ANO3: variants seen among roughly 807,000 people sequenced by gnomAD.
ANO3 encodes the protein anoctamin-3.
A neutral mutation model predicts 144.8 loss-of-function variants in ANO3; 99 were observed. The ratio of observed to expected loss-of-function variants is 0.68; its 90% CI spans 0.58 to 0.81. The LOEUF is 0.81. Ranked by LOEUF, ANO3 falls within the 30% of genes least tolerant of loss-of-function variation. The probability of loss-of-function intolerance (pLI) is 0.00; values close to 1 mark genes in which losing one functional copy is unlikely to be tolerated. For synonymous variants in ANO3, 414 were observed against 392.6 expected, an observed-to-expected ratio of 1.05 and a Z score of -0.64; for missense variants, 905 against 1,202.2, an observed-to-expected ratio of 0.75 and a Z score of 3.66.
intron 1 of ANO3, among the ~76,000 whole-genome samples, chr11:26,373,610 AGTCCTGATACTTCTTACTTTT>A (rs939353289): frequency 3.9e-5 from 6 of 152,226 alleles, no homozygotes; most frequent in Non-Finnish European, 5.9e-5. Flanking sequence ...GTTCTAATTT[AGTCCTGATACTTCTTACTTTT>A]GTGATCCTCA....
intron 1 of ANO3, among the ~76,000 whole-genome samples, chr11:26,207,271 T>C (rs1002401932): frequency 1.3e-5 from 2 of 152,200 alleles, no homozygotes; most frequent in African/African-American, 4.8e-5. Flanking sequence ...AAAGTATAAA[T>C]GGCTTACAAA....
At chr11:26,575,992 G>A (rs572378490) in intron 14 of ANO3, among the ~76,000 whole-genome samples, 1 of 152,152 alleles carries the variant, frequency 6.6e-6, no homozygotes, top group African/African-American at 2.4e-5. Flanking sequence ...TTTTGCTGAC[G>A]TGATCATAGT....
chr11:26,498,073 G>A (rs927428380), intron 4 of ANO3, among the ~76,000 whole-genome samples: 2 of 151,896 alleles, frequency 1.3e-5, no homozygotes, highest in African/African-American at 4.8e-5. Flanking sequence ...GTACTCTGAG[G>A]TGATCACTCT....
intron 1 of ANO3, among the ~76,000 whole-genome samples, chr11:26,379,864 T>C (rs1479376052): frequency 6.6e-6 from 1 of 152,134 alleles, no homozygotes; most frequent in Admixed American, 6.5e-5. Context: ...GGTGGTGAAT[T>C]GTTTTTAAGA....
chr11:26,612,780 G>A (rs1580669), intron 17 of ANO3, among the ~76,000 whole-genome samples: 17 of 151,494 alleles, frequency 1.1e-4, no homozygotes, highest in African/African-American at 2.9e-4. Context: ...TATTATTGCC[G>A]GACAGATTTT....
At chr11:26,202,727 G>GA (rs151234568) in intron 1 of ANO3, among the ~76,000 whole-genome samples, 6,586 of 149,034 alleles carry the variant, frequency 0.044, 203 homozygotes, top group Middle Eastern at 0.065. Flanking sequence ...CACAGTTGAG[G>GA]AAAAAAAAAA....
chr11:26,574,474 C>T (rs1307533911), intron 14 of ANO3, among the ~76,000 whole-genome samples: 1 of 152,108 alleles, frequency 6.6e-6, no homozygotes, highest in East Asian at 1.9e-4. Flanking sequence ...TAGTCTGATA[C>T]AGGCTACAAG....
intron 6 of ANO3, among the ~76,000 whole-genome samples, chr11:26,518,427 G>A (rs1272450063): frequency 6.6e-6 from 1 of 151,986 alleles, no homozygotes; most frequent in East Asian, 1.9e-4. Flanking sequence ...AATTTTACAA[G>A]TAGCAGTCTT....
chr11:26,641,152 TTGTACTTGGGCTAAG>T (rs1433143977), intron 21 of ANO3, among the ~76,000 whole-genome samples: 1 of 152,166 alleles, frequency 6.6e-6, no homozygotes, highest in African/African-American at 2.4e-5. Flanking sequence ...AATTCCAAGA[TTGTACTTGGGCTAAG>T]AAAACAGTAT....
chr11:26,267,826 C>T (rs1853348302), intron 1 of ANO3, among the ~76,000 whole-genome samples: 1 of 152,056 alleles, frequency 6.6e-6, no homozygotes, highest in African/African-American at 2.4e-5. Context: ...AGATTAAAAG[C>T]TTCTGCTTGC....
chr11:26,418,705 C>T (rs1442357377), intron 1 of ANO3, among the ~76,000 whole-genome samples: 1 of 151,618 alleles, frequency 6.6e-6, no homozygotes, highest in African/African-American at 2.4e-5. Context: ...AACAAACAAG[C>T]GCGCGCGCGC....
chr11:26,490,328 T>C (rs1860652995), intron 4 of ANO3, among the ~76,000 whole-genome samples: 1 of 152,214 alleles, frequency 6.6e-6, no homozygotes, highest in South Asian at 2.1e-4. Flanking sequence ...TTAAACCTCT[T>C]TTTGTTCCCA....
chr11:26,231,964 A>G (rs1341619587), intron 1 of ANO3, among the ~76,000 whole-genome samples: 1 of 152,242 alleles, frequency 6.6e-6, no homozygotes, highest in African/African-American at 2.4e-5. Context: ...GGAAACTGGC[A>G]TGTGGTGAAA....
At chr11:26,631,184 G>C (rs1321840494) in intron 18 of ANO3, among the ~76,000 whole-genome samples, 1 of 151,914 alleles carries the variant, frequency 6.6e-6, no homozygotes, top group East Asian at 1.9e-4. Flanking sequence ...TGGGGTGGTG[G>C]AGTCTTCTCT....
At chr11:26,236,012 T>C (rs1852514001) in intron 1 of ANO3, among the ~76,000 whole-genome samples, 1 of 152,114 alleles carries the variant, frequency 6.6e-6, no homozygotes, top group Non-Finnish European at 1.5e-5. Flanking sequence ...TATTCTTATT[T>C]TCCTTCCTGA....
rs907767747 is a variant in ANO3 at position 26,634,681 on chromosome 11, A to G, written c.1986-332A>G. On this transcript the variant is annotated intron_variant, in intron 19 of 26. Coordinates refer to ENST00000256737, the MANE Select transcript of ANO3 (RefSeq NM_031418.4). ...ACACTCCATCCAATGCCATGGAAAC[A>G]TACTAAAGATAGAAACATTTTGGAT... 1.3e-5 allele frequency among the ~76,000 whole-genome samples: 2 copies of G among 152,352 alleles called. 1 individual carries two copies. The highest frequency in any genetic ancestry group is 6.8e-3 in the Middle Eastern group (2 of 294).
chr11:26,566,647 G>A (rs969335020), intron 14 of ANO3, among the ~76,000 whole-genome samples: 5 of 151,756 alleles, frequency 3.3e-5, no homozygotes, highest in Non-Finnish European at 5.9e-5. Context: ...ATATGGTTGG[G>A]GTGTGTGTGG....
chr11:26,242,047 A>G (rs1222607343), intron 1 of ANO3, among the ~76,000 whole-genome samples: 1 of 152,202 alleles, frequency 6.6e-6, no homozygotes, highest in Non-Finnish European at 1.5e-5. Context: ...TTCTGGACAG[A>G]TGATCAAAGA....
At chr11:26,514,337 T>C (rs897868049) in intron 5 of ANO3, among the ~76,000 whole-genome samples, 1 of 152,098 alleles carries the variant, frequency 6.6e-6, no homozygotes, top group Non-Finnish European at 1.5e-5. Context: ...TAGTTTCTGA[T>C]TTGAGAGGTA....
Sources: allele counts gnomAD v4.1 joint callset (sites outside exome capture counted in the v4.1 genomes callset), GRCh38; gene constraint gnomAD v4.1.1; transcripts MANE v1.5; gene names NCBI Gene and HGNC (gene_info 2026-07-23, HGNC 2026-07-21).